REELD1: variants seen among roughly 807,000 people sequenced by gnomAD.
REELD1 encodes reelin domain-containing protein 1.
In REELD1, 12 loss-of-function variants were observed where a neutral mutation model predicts 6.3. The observed-to-expected ratio is 1.89, with a 90% CI of 1.21 to 3.07. The LOEUF (loss-of-function observed/expected upper bound fraction) is 3.07, where lower values mean the gene tolerates loss of function less well. Ranked by LOEUF, REELD1 falls within the 30% of genes most tolerant of loss-of-function variation. REELD1 has a pLI of 0.00. For synonymous variants in REELD1, 57 were observed against 33.6 expected (o/e 1.70, Z -2.42); for missense variants, 163 against 86.8 (o/e 1.88, Z -3.49).
intron 3 of REELD1, among the ~76,000 whole-genome samples, chr4:146,221,837 G>GACGGA (rs1389182465): frequency 3.3e-5 from 5 of 151,906 alleles, no homozygotes; most frequent in African/African-American, 1.2e-4. Flanking sequence ...GCAGCCTGGT[G>GACGGA]ACGGAGCGAG....
chr4:146,216,908 G>A (rs1323239255), intron 2 of REELD1, 34 bp from the exon 3 acceptor site: 29 of 398,440 alleles, frequency 7.3e-5, no homozygotes, highest in Non-Finnish European at 1.1e-4. Flanking sequence ...CCTAAATAAC[G>A]TCTGGACTGA....
At chr4:146,217,210 A>G (rs1381862650) in intron 3 of REELD1, 50 bp downstream of exon 3, 1 of 398,792 alleles carries the variant, frequency 2.5e-6, no homozygotes, top group Non-Finnish European at 4.4e-6. Flanking sequence ...CAGAGCCCCC[A>G]TGGACCTTCC....
intron 3 of REELD1, among the ~76,000 whole-genome samples, chr4:146,218,081 G>A (rs1730857229): frequency 6.6e-6 from 1 of 152,224 alleles, no homozygotes; most frequent in South Asian, 2.1e-4. Flanking sequence ...AAAGGGAGCT[G>A]GGCAAGAGGA....
At chr4:146,226,302 T>C (rs1292475458) in intron 5 of REELD1, among the ~76,000 whole-genome samples, 1 of 152,238 alleles carries the variant, frequency 6.6e-6, no homozygotes, top group Non-Finnish European at 1.5e-5. Context: ...ACAACAGTTC[T>C]CTGCGTCTTT....
At chr4:146,221,845 G>GA (rs1730928803) in intron 3 of REELD1, among the ~76,000 whole-genome samples, 1 of 151,610 alleles carries the variant, frequency 6.6e-6, no homozygotes, top group African/African-American at 2.4e-5. Flanking sequence ...GTGACGGAGC[G>GA]AGACTCTGTC....
intron 2 of REELD1, among the ~76,000 whole-genome samples, chr4:146,215,426 A>G (rs191839198): frequency 1.3e-5 from 2 of 152,346 alleles, no homozygotes; most frequent in Admixed American, 6.5e-5. Context: ...GCATTGTCTG[A>G]AGGACTCTTA....
At chr4:146,219,100 T>C (rs1407325310) in intron 3 of REELD1, among the ~76,000 whole-genome samples, 1 of 152,082 alleles carries the variant, frequency 6.6e-6, no homozygotes. Context: ...TGCAGTGAAC[T>C]GAGATAGCCC....
chr4:146,216,582 C>T (rs1730829675), intron 2 of REELD1, among the ~76,000 whole-genome samples: 1 of 152,202 alleles, frequency 6.6e-6, no homozygotes, highest in African/African-American at 2.4e-5. Context: ...GCCACACCGC[C>T]TTTGGGTACC....
chr4:146,224,916 C>T (rs1182483332), intron 5 of REELD1, among the ~76,000 whole-genome samples: 2 of 152,210 alleles, frequency 1.3e-5, no homozygotes, highest in African/African-American at 2.4e-5. Context: ...ACACCTCTTC[C>T]CCCAACATTT....
chr4:146,217,144 A>G lies in REELD1; in HGVS notation c.192A>G (p.Pro64=). The G allele has an allele frequency of 2.5e-6, 1 of 399,652 alleles. No homozygotes were observed. The highest frequency in any genetic ancestry group is 4.4e-6 in the Non-Finnish European group (1 of 226,654). The allele number at this position is 399,652 out of a possible 1,614,324, so 24.8% of individuals were successfully genotyped here. A position where few individuals can be genotyped will look rare whatever the true frequency, so the allele number is the denominator to read the frequency against. Residue 64 remains proline (P), a synonymous_variant, in exon 3 of 8, where the codon CCA becomes CCG. Transcript: ENST00000623665. The part of the protein sequence containing the change: ...TIHTHRTSYA[P]GDKIPVTVRS... Reference sequence around the variant, plus strand: ...ACACCCACAGGACTTCCTATGCACCAGGTGACAAGATTCCAGGTATGTACC... The same window carrying G: ...ACACCCACAGGACTTCCTATGCACCGGGTGACAAGATTCCAGGTATGTACC...
intron 3 of REELD1, among the ~76,000 whole-genome samples, chr4:146,217,914 A>G (rs994269674): frequency 2.0e-5 from 3 of 152,262 alleles, no homozygotes; most frequent in African/African-American, 7.2e-5. Flanking sequence ...TATACTTTAA[A>G]TATATACAAT....
rs1248659527 is a variant in REELD1, at chr4:146,224,573, A to G, written c.560A>G (p.His187Arg). 1.4e-6 allele frequency: 1 copy of G among 702,212 alleles called. No individual in the cohort carries two copies. Among genetic ancestry groups the G allele is most frequent in the East Asian group, 2.7e-5 (1 of 37,288 alleles). The allele number at this position is 702,212 out of a possible 1,614,324, so 43.5% of individuals were successfully genotyped here. The stretch of plus-strand genomic sequence containing the variant: ...CCCAGATTGCTGATGCCAAACCTTC[A>G]CCAGAGGCTGGGCGATGTTGAAGGA... ...MEPRLLMPNL[H>R]QRLGDVEGAA... The change falls in exon 5 of 8, where the codon CAC (histidine) becomes CGC (arginine). Residue 187 changes from histidine to arginine, a missense_variant. By Grantham distance (29) the His-to-Arg change is conservative. Transcript: ENST00000623665.
rs1731100014 is a variant in REELD1 at position 146,230,049 on chromosome 4, T to C, written c.1117T>C (p.Ser373Pro). Residue 373 changes from serine to proline, a missense_variant, in exon 8 of 8, where the codon TCT (serine) becomes CCT (proline). Ser to Pro is a moderately conservative substitution (Grantham distance 74). Transcript: ENST00000623665. ...ASNPIPVLQT[S>P]GTSGLPAAGD... ...CAACCCAATCCCTGTCCTCCAGACCTCTGGCACTTCTGGGCTACCTGCTGC... is the reference window on the plus strand; with the variant it reads ...CAACCCAATCCCTGTCCTCCAGACCCCTGGCACTTCTGGGCTACCTGCTGC... The C allele has an allele frequency of 1.0e-5, 4 of 398,672 alleles. No individual in the cohort carries two copies. The South Asian group carries it at 5.1e-4, about 51-fold the overall frequency. The allele number at this position is 398,672 out of a possible 1,614,324, so 24.7% of individuals were successfully genotyped here.
rs1355056938 is a variant in REELD1, at chr4:146,219,946, T to C, written c.209-2411T>C. 2.6e-5 allele frequency among the ~76,000 whole-genome samples: 4 copies of C among 152,192 alleles called. No homozygotes were observed. The East Asian group carries it at 7.7e-4, about 29-fold the overall frequency. On this transcript the variant is annotated intron_variant, in intron 3 of 7. Coordinates refer to ENST00000623665, the MANE Select transcript of REELD1 (RefSeq NM_001354631.1). ...CAGAATTTTGTTTTTTTGTTTGTTT[T>C]TTTGTTTGTTTTTTTAAGACAGAGT...
At chr4:146,216,579 C>G (rs1031455460) in intron 2 of REELD1, among the ~76,000 whole-genome samples, 1 of 152,192 alleles carries the variant, frequency 6.6e-6, no homozygotes, top group Non-Finnish European at 1.5e-5. Context: ...GAGGCCACAC[C>G]GCCTTTGGGT....
At chr4:146,221,757 G>T (rs1730926570) in intron 3 of REELD1, among the ~76,000 whole-genome samples, 1 of 152,036 alleles carries the variant, frequency 6.6e-6, no homozygotes, top group African/African-American at 2.4e-5. Flanking sequence ...TACTCGAGAG[G>T]CTGAGGCAGG....
At chr4:146,228,856 C>G (rs1162228614) in intron 6 of REELD1, among the ~76,000 whole-genome samples, 169 bp from the exon 7 acceptor site, 1 of 152,136 alleles carries the variant, frequency 6.6e-6, no homozygotes, top group Non-Finnish European at 1.5e-5. Flanking sequence ...TTCTTTGCCA[C>G]CATTCTCACT....
intron 5 of REELD1, among the ~76,000 whole-genome samples, chr4:146,225,792 G>T (rs546776089): frequency 1.3e-5 from 2 of 152,088 alleles, no homozygotes; most frequent in East Asian, 3.9e-4. Flanking sequence ...GCCTGACTCC[G>T]CTGGAAACCT....
Position 146,230,188 on chromosome 4 carries a change from A to T in REELD1, c.1256A>T (p.Gln419Leu), listed in dbSNP as rs1177958813. ...GAGGGTGGAGTGGGATACCCTCGGC[A>T]GACCAACCCACGGCCTGACATTGGG... Reference protein sequence around the residue: ...NGEGGVGYPRQTNPRPDIGLE... With the variant: ...NGEGGVGYPRLTNPRPDIGLE... The change falls in exon 8 of 8, where the codon CAG (glutamine) becomes CTG (leucine). Residue 419 changes from glutamine to leucine, a missense_variant. Coordinates refer to ENST00000623665, the MANE Select transcript of REELD1 (RefSeq NM_001354631.1). 5.0e-6 allele frequency: 2 copies of T among 398,816 alleles called. No homozygotes were observed. The highest frequency in any genetic ancestry group is 8.8e-6 in the Non-Finnish European group (2 of 226,208). 24.7% of individuals were successfully genotyped at this position (398,816 alleles called of 1,614,324 possible). A position where few individuals can be genotyped will look rare whatever the true frequency, so the allele number is the denominator to read the frequency against.
Sources: gnomAD v4.1 joint callset for allele counts (sites outside exome capture counted in the v4.1 genomes callset) on GRCh38, gnomAD v4.1.1 for gene constraint, MANE v1.5 for transcripts, NCBI Gene and HGNC (gene_info 2026-07-23, HGNC 2026-07-21) for gene names.